The following TCAIM variants were observed in gnomAD, a reference collection of about 807,000 sequenced individuals.
TCAIM encodes T-cell activation inhibitor, mitochondrial.
Under a neutral mutation model 58.6 loss-of-function variants are expected in TCAIM, and 36 were observed. The observed-to-expected ratio is 0.61, with a 90% CI of 0.47 to 0.81. The LOEUF (loss-of-function observed/expected upper bound fraction) is 0.81, where lower values mean the gene tolerates loss of function less well. Among genes scored for constraint, TCAIM ranks in the 30% least tolerant of loss-of-function variants. The probability of loss-of-function intolerance (pLI) is 0.00; values close to 1 mark genes in which losing one functional copy is unlikely to be tolerated. For synonymous variants in TCAIM, 172 were observed against 193.6 expected, an observed-to-expected ratio of 0.89 and a Z score of 0.93; for missense variants, 466 against 579.6, an observed-to-expected ratio of 0.80 and a Z score of 2.01.
At chr3:44,350,871 T>A (rs1184489779) in intron 1 of TCAIM, among the ~76,000 whole-genome samples, 1 of 152,236 alleles carries the variant, frequency 6.6e-6, no homozygotes, top group Non-Finnish European at 1.5e-5. Flanking sequence ...TTTGCAAGCT[T>A]GGGGTCTGGT....
chr3:44,370,675 T>C (rs2125639400), intron 5 of TCAIM, among the ~76,000 whole-genome samples: 1 of 151,790 alleles, frequency 6.6e-6, no homozygotes, highest in African/African-American at 2.4e-5. Context: ...TTTGTTTTTT[T>C]TTTTTAGTTT....
At chr3:44,404,869 T>C (rs1702076276) in intron 10 of TCAIM, among the ~76,000 whole-genome samples, 1 of 150,608 alleles carries the variant, frequency 6.6e-6, no homozygotes, top group Admixed American at 6.6e-5. Flanking sequence ...AGATTAAAGC[T>C]CTCAGCTGTT....
intron 10 of TCAIM, among the ~76,000 whole-genome samples, chr3:44,404,546 A>G (rs1304861512): frequency 6.6e-6 from 1 of 151,822 alleles, no homozygotes; most frequent in Non-Finnish European, 1.5e-5. Context: ...CTGCTCAGTC[A>G]TCATCCTCAT....
chr3:44,361,223 T>C, intron 3 of TCAIM, 142 bp from the exon 4 acceptor site: 1 of 672,606 alleles, frequency 1.5e-6, no homozygotes, highest in Non-Finnish European at 2.3e-6. Flanking sequence ...TTTTATCTTT[T>C]ACCAAAGAGC....
chr3:44,399,518 C>G (rs1369313934), intron 8 of TCAIM, among the ~76,000 whole-genome samples: 1 of 152,146 alleles, frequency 6.6e-6, no homozygotes, highest in Non-Finnish European at 1.5e-5. Context: ...TGGTCCTTCC[C>G]TGACCCAGCC....
intron 5 of TCAIM, among the ~76,000 whole-genome samples, chr3:44,392,418 C>T (rs9862324): frequency 0.65 from 98,629 of 151,884 alleles, 32,878 homozygotes; most frequent in East Asian, 0.97. Flanking sequence ...ACAGTTTATT[C>T]TGTTACCTAG....
rs1411363023 is a variant in TCAIM at position 44,396,879 on chromosome 3, CT to C, written c.885+48del. On this transcript the variant is annotated intron_variant, in intron 8 of 10. Coordinates refer to ENST00000342649, the MANE Select transcript of TCAIM (RefSeq NM_173826.4). Reference sequence around the variant, plus strand: ...TTAAAAACTCCTTGTCATTCATAAACTTTCATTTCCAACAATGCTGTAATGT... The same window carrying C: ...TTAAAAACTCCTTGTCATTCATAAACTTCATTTCCAACAATGCTGTAATGT... 5.8e-6 allele frequency: 9 copies of C among 1,557,740 alleles called. No homozygotes were observed. The Admixed American group carries it at 8.7e-5, about 15-fold the overall frequency.
Position 44,354,768 on chromosome 3 carries a change from C to A in TCAIM, c.-15C>A. The stretch of plus-strand genomic sequence containing the variant: ...TAATGGATGCCTCGAAGTTGACGTA[C>A]ATATATATTCAGAAATGTTTTGCCA... On this transcript the variant is annotated 5_prime_UTR_variant, in exon 2 of 11. An upstream open reading frame in the 5' UTR gains an earlier in-frame stop. Transcript: ENST00000342649. The A allele has an allele frequency of 1.2e-6, 2 of 1,608,046 alleles. No individual in the cohort carries two copies. Among genetic ancestry groups the A allele is most frequent in the Non-Finnish European group, 1.7e-6 (2 of 1,178,550 alleles).
chr3:44,368,451 C>T (rs1275576476), intron 5 of TCAIM, among the ~76,000 whole-genome samples: 1 of 152,162 alleles, frequency 6.6e-6, no homozygotes, highest in Non-Finnish European at 1.5e-5. Flanking sequence ...CTAAGGGATT[C>T]CTCCTTGCTA....
chr3:44,401,160 G>A lies in TCAIM; in HGVS notation c.1119-43G>A, dbSNP rs527373820. The A allele has an allele frequency of 2.1e-5, 33 of 1,604,082 alleles. No homozygotes were observed. In the East Asian group the frequency reaches 6.7e-4, roughly 33 times the overall value. The stretch of plus-strand genomic sequence containing the variant: ...AAATATTTTCTCTGGTGGGGGAGAG[G>A]AGAGGGTCAGTGGTTTTTCCTTTAA... On this transcript the variant is annotated intron_variant, in intron 9 of 10. Coordinates refer to ENST00000342649, the MANE Select transcript of TCAIM (RefSeq NM_173826.4).
intron 8 of TCAIM, among the ~76,000 whole-genome samples, chr3:44,398,798 A>G (rs116707906): frequency 1.3e-5 from 2 of 152,194 alleles, no homozygotes; most frequent in Admixed American, 6.5e-5. Context: ...GTGAATAGCT[A>G]AACAAACTGG....
chr3:44,396,715 G>C (rs1225852731), intron 7 of TCAIM, 28 bp from the exon 8 acceptor site: 2 of 1,608,650 alleles, frequency 1.2e-6, no homozygotes, highest in Non-Finnish European at 1.7e-6. Flanking sequence ...CCTCGACCAT[G>C]ACCAAAGGTT....
chr3:44,407,440 A>G lies in TCAIM; in HGVS notation c.1251-2A>G, dbSNP rs1702117575. On this transcript the variant is annotated splice_acceptor_variant, in intron 10 of 10. Transcript: ENST00000342649. LOFTEE classifies it high-confidence loss of function. Reference sequence around the variant, plus strand: ...ACAATATTTTTATTTTCTATATAATAGGTTAAAGGTTATTGAAAATGAATT... The same window carrying G: ...ACAATATTTTTATTTTCTATATAATGGGTTAAAGGTTATTGAAAATGAATT... 3 of 1,462,730 alleles carry G rather than the reference A, an allele frequency of 2.1e-6. No individual in the cohort carries two copies. The highest frequency in any genetic ancestry group is 2.8e-6 in the Non-Finnish European group (3 of 1,065,112). 90.6% of individuals were successfully genotyped at this position (1,462,730 alleles called of 1,614,324 possible). A position where few individuals can be genotyped will look rare whatever the true frequency, so the allele number is the denominator to read the frequency against.
At chr3:44,352,347 T>A (rs1701109341) in intron 1 of TCAIM, among the ~76,000 whole-genome samples, 1 of 152,206 alleles carries the variant, frequency 6.6e-6, no homozygotes, top group Non-Finnish European at 1.5e-5. Context: ...AAAAATCATT[T>A]GGTCAGTTGA....
chr3:44,401,171 T>A (rs761806774), intron 9 of TCAIM, 32 bp from the exon 10 acceptor site: 1 of 1,609,548 alleles, frequency 6.2e-7, no homozygotes, highest in Non-Finnish European at 8.5e-7. Flanking sequence ...AGAGGGTCAG[T>A]GGTTTTTCCT....
chr3:44,400,313 AAC>A (rs1295601877), intron 8 of TCAIM, 40 bp from the exon 9 acceptor site: 1 of 1,416,570 alleles, frequency 7.1e-7, no homozygotes. Context: ...TTATTATAGT[AAC>A]ATAAAACTAA....
intron 1 of TCAIM, among the ~76,000 whole-genome samples, chr3:44,352,183 C>T (rs1048732798): frequency 5.9e-5 from 9 of 151,332 alleles, no homozygotes; most frequent in African/African-American, 9.7e-5. Flanking sequence ...AGAGAACGTG[C>T]TACTCAGCAG....
intron 5 of TCAIM, among the ~76,000 whole-genome samples, chr3:44,372,316 A>G (rs939812573): frequency 2.0e-5 from 3 of 152,218 alleles, no homozygotes; most frequent in Admixed American, 6.5e-5. Flanking sequence ...AAATCATGTG[A>G]ATCAAGTGAC....
chr3:44,372,394 G>A (rs1701492538), intron 5 of TCAIM, among the ~76,000 whole-genome samples: 1 of 151,992 alleles, frequency 6.6e-6, no homozygotes. Flanking sequence ...GGTCATTTTG[G>A]CCATATGCAG....
Sources: gnomAD v4.1 joint callset for allele counts (sites outside exome capture counted in the v4.1 genomes callset) on GRCh38, gnomAD v4.1.1 for gene constraint, MANE v1.5 for transcripts, NCBI Gene and HGNC (gene_info 2026-07-23, HGNC 2026-07-21) for gene names.